The following DCAF8L2 variants were observed in gnomAD, a reference collection of about 807,000 sequenced individuals.
DCAF8L2 encodes DDB1- and CUL4-associated factor 8-like protein 2.
For synonymous variants in DCAF8L2, 200 were observed against 190.9 expected, an observed-to-expected ratio of 1.05 and a Z score of -0.39; for missense variants, 430 against 490.7, an observed-to-expected ratio of 0.88 and a Z score of 1.17.
upstream of DCAF8L2, among the ~76,000 whole-genome samples, chrX:27,587,631 A>T (rs1039595108): frequency 8.1e-5 from 9 of 111,665 alleles, no homozygotes; most frequent in African/African-American, 2.9e-4. Flanking sequence ...ACTAACACTC[A>T]GGGATCCAAA....
upstream of DCAF8L2, among the ~76,000 whole-genome samples, chrX:27,587,985 A>AAAAAATATATATATATATATATAT: frequency 9.9e-4 from 22 of 22,324 alleles, no homozygotes; most frequent in Non-Finnish European, 1.2e-3. Context: ...TAAAAAAAAA[A>AAAAAATATATATATATATATATAT]ATATATATAT....
the DCAF8L2 span, among the ~76,000 whole-genome samples, chrX:27,568,975 AC>A: frequency 9.4e-6 from 1 of 106,533 alleles, no homozygotes; most frequent in African/African-American, 3.4e-5. Context: ...ACACACACAC[AC>A]ACACACACAC....
the DCAF8L2 span, among the ~76,000 whole-genome samples, chrX:27,542,617 A>G: frequency 4.8e-5 from 4 of 82,537 alleles, no homozygotes. Flanking sequence ...ATCTCGGCTC[A>G]CTGCAAGCTC....
the DCAF8L2 span, among the ~76,000 whole-genome samples, chrX:27,510,329 G>C: frequency 1.6e-4 from 18 of 109,549 alleles, no homozygotes; most frequent in Non-Finnish European, 3.0e-4. Context: ...ATTTAGCATG[G>C]GGCATTAATT....
chrX:27,617,780 G>T (rs1337583475), intron 1 of DCAF8L2, among the ~76,000 whole-genome samples: 1 of 111,090 alleles, frequency 9.0e-6, no homozygotes, highest in African/African-American at 3.3e-5. Context: ...AAAAATCACT[G>T]CCTTTTATGA....
chrX:27,512,125 G>T, the DCAF8L2 span, among the ~76,000 whole-genome samples: 2,540 of 109,848 alleles, frequency 0.023, 87 homozygotes, highest in African/African-American at 0.08. Flanking sequence ...AAAAAAATTA[G>T]CTGGACATAG....
At chrX:27,606,256 A>ATATATATATATAGGAAT (rs1471120408) in intron 1 of DCAF8L2, among the ~76,000 whole-genome samples, 2 of 92,895 alleles carry the variant, frequency 2.2e-5, no homozygotes, top group South Asian at 9.5e-4. Flanking sequence ...GGAATTATAT[A>ATATATATATATAGGAAT]TATATATATA....
chrX:27,700,032 G>GAA (rs1452492191), intron 3 of DCAF8L2, among the ~76,000 whole-genome samples: 1 of 109,889 alleles, frequency 9.1e-6, no homozygotes, highest in Non-Finnish European at 1.9e-5. Context: ...GTCCAAAAAA[G>GAA]AAAAGAAAAG....
chrX:27,516,419 C>T, the DCAF8L2 span, among the ~76,000 whole-genome samples: 7 of 109,372 alleles, frequency 6.4e-5, no homozygotes, highest in African/African-American at 2.3e-4. Context: ...AAGGTACAGA[C>T]ATTCTTCATA....
At chrX:27,508,446 A>T in the DCAF8L2 span, among the ~76,000 whole-genome samples, 1 of 110,285 alleles carries the variant, frequency 9.1e-6, no homozygotes, top group Admixed American at 9.9e-5. Flanking sequence ...AACTCATGAG[A>T]CATGTTAGAC....
intron 3 of DCAF8L2, among the ~76,000 whole-genome samples, chrX:27,691,153 A>G (rs1184943430): frequency 3.6e-5 from 4 of 111,848 alleles, no homozygotes; most frequent in African/African-American, 9.7e-5. Context: ...CAAACATTTA[A>G]GATCTAAATC....
At chrX:27,608,650 C>G (rs1423232228) in intron 1 of DCAF8L2, among the ~76,000 whole-genome samples, 1 of 110,954 alleles carries the variant, frequency 9.0e-6, no homozygotes, top group Non-Finnish European at 1.9e-5. Context: ...TCTTCCATTC[C>G]ATTTTTTTCT....
chrX:27,640,310 CT>C (rs1399837061), intron 2 of DCAF8L2, among the ~76,000 whole-genome samples: 7 of 112,427 alleles, frequency 6.2e-5, no homozygotes, highest in African/African-American at 2.3e-4. Flanking sequence ...TGTCACTGTA[CT>C]TTTACCTCTT....
At chrX:27,714,438 CATA>C (rs1043523556) in intron 3 of DCAF8L2, among the ~76,000 whole-genome samples, 2 of 110,666 alleles carry the variant, frequency 1.8e-5, no homozygotes, top group Non-Finnish European at 3.8e-5. Flanking sequence ...TCCTGTTTGT[CATA>C]ATAAGGCAAA....
chrX:27,490,853 C>T, the DCAF8L2 span, among the ~76,000 whole-genome samples: 1 of 111,427 alleles, frequency 9.0e-6, no homozygotes, highest in Non-Finnish European at 1.9e-5. Context: ...CACCCTCCCA[C>T]CATTTGGTCT....
chrX:27,478,239 T>C, the DCAF8L2 span, among the ~76,000 whole-genome samples: 1 of 112,371 alleles, frequency 8.9e-6, no homozygotes, highest in African/African-American at 3.2e-5. Context: ...TTATGTAGGA[T>C]GCAAACGATT....
chrX:27,515,922 C>T, the DCAF8L2 span, among the ~76,000 whole-genome samples: 181 of 112,141 alleles, frequency 1.6e-3, 1 homozygote, highest in African/African-American at 5.3e-3. Context: ...TAACCAGCTA[C>T]GTTTTGTCCT....
At chrX:27,736,412 T>C in intron 4 of DCAF8L2, among the ~76,000 whole-genome samples, 1 of 111,991 alleles carries the variant, frequency 8.9e-6, no homozygotes, top group Admixed American at 9.5e-5. Flanking sequence ...TGGTGCCTAC[T>C]CTGTACACAT....
chrX:27,657,240 G>A (rs542713243), intron 2 of DCAF8L2, among the ~76,000 whole-genome samples: 5 of 110,671 alleles, frequency 4.5e-5, no homozygotes, highest in African/African-American at 9.9e-5. Flanking sequence ...GAACCCTAAC[G>A]CATATACACG....
Sources: allele counts gnomAD v4.1 joint callset (sites outside exome capture counted in the v4.1 genomes callset), GRCh38; gene constraint gnomAD v4.1.1; transcripts MANE v1.5; gene names NCBI Gene and HGNC (gene_info 2026-07-23, HGNC 2026-07-21).